LHFPL6: variants seen among roughly 807,000 people sequenced by gnomAD.
LHFPL6 encodes LHFPL tetraspan subfamily member 6.
A neutral mutation model predicts 20.6 loss-of-function variants in LHFPL6; 9 were observed. The observed-to-expected ratio is 0.44, with a 90% CI of 0.26 to 0.76. LHFPL6 has a LOEUF of 0.76. Among genes scored for constraint, LHFPL6 ranks in the 30% least tolerant of loss-of-function variants. The pLI, the probability that LHFPL6 is intolerant of heterozygous loss-of-function variation, is 0.20. For missense variants in LHFPL6, 218 were observed against 253.5 expected (o/e 0.86, Z 0.95); for synonymous variants, 105 against 98.7 (o/e 1.06, Z -0.38).
At chr13:39,572,244 T>A (rs758094248) in intron 2 of LHFPL6, among the ~76,000 whole-genome samples, 6 of 151,544 alleles carry the variant, frequency 4.0e-5, no homozygotes, top group African/African-American at 7.3e-5. Flanking sequence ...TCTAAAGAGT[T>A]AGTCATTTAT....
At chr13:39,376,954 T>G (rs77302104) in intron 3 of LHFPL6, among the ~76,000 whole-genome samples, 1,707 of 152,258 alleles carry the variant, frequency 0.011, 40 homozygotes, top group African/African-American at 0.039. Flanking sequence ...CCCCTGCTGC[T>G]CTTCTCTCCT....
Position 39,344,053 on chromosome 13 carries a change from C to CCAG in LHFPL6, c.485_486insCTG (p.Gly162_Lys163insTrp). Reference sequence around the variant, plus strand: ...AGTAGGCCCAGCCGATTTCACACTTCCCTAAGGACAAAGGAAGGGGAAAGA... The same window carrying CCAG: ...AGTAGGCCCAGCCGATTTCACACTTCCAGCCTAAGGACAAAGGAAGGGGAAAGA... On this transcript the variant is annotated inframe_insertion and splice_region_variant, in exon 4 of 4. Transcript: ENST00000379589. The CCAG allele has an allele frequency of 6.2e-7, 1 of 1,605,584 alleles. No homozygotes were observed. Among genetic ancestry groups the CCAG allele is most frequent in the Non-Finnish European group, 8.5e-7 (1 of 1,173,520 alleles).
chr13:39,375,844 T>C (rs17059746), intron 3 of LHFPL6, among the ~76,000 whole-genome samples: 16,646 of 151,946 alleles, frequency 0.11, 998 homozygotes, highest in East Asian at 0.24. Flanking sequence ...AAAAAACTTA[T>C]GCAGTGGACC....
intron 2 of LHFPL6, among the ~76,000 whole-genome samples, chr13:39,383,262 C>T (rs561218219): frequency 6.6e-6 from 1 of 152,280 alleles, no homozygotes; most frequent in Admixed American, 6.5e-5. Context: ...AAATATGAGA[C>T]AGTTCAGGGA....
At chr13:39,387,957 G>C (rs570647768) in intron 2 of LHFPL6, among the ~76,000 whole-genome samples, 144 of 152,258 alleles carry the variant, frequency 9.5e-4, no homozygotes, top group African/African-American at 2.9e-3. Context: ...CCTTTCCTGG[G>C]GGCCGGTGAG....
At chr13:39,428,585 C>T (rs963559642) in intron 2 of LHFPL6, among the ~76,000 whole-genome samples, 1 of 152,046 alleles carries the variant, frequency 6.6e-6, no homozygotes, top group African/African-American at 2.4e-5. Flanking sequence ...ATCTTTTCTA[C>T]TCTTCTTTTT....
chr13:39,375,095 T>A (rs543534729), intron 3 of LHFPL6, among the ~76,000 whole-genome samples: 1 of 152,314 alleles, frequency 6.6e-6, no homozygotes, highest in East Asian at 1.9e-4. Flanking sequence ...AACATTAACA[T>A]TTCACAACCC....
chr13:39,412,626 A>G (rs905894637), intron 2 of LHFPL6, among the ~76,000 whole-genome samples: 2 of 152,208 alleles, frequency 1.3e-5, no homozygotes, highest in African/African-American at 4.8e-5. Context: ...TACTTCCCCA[A>G]ATTTATACAA....
intron 2 of LHFPL6, among the ~76,000 whole-genome samples, chr13:39,479,237 T>C (rs1868420248): frequency 1.3e-5 from 2 of 152,118 alleles, no homozygotes; most frequent in African/African-American, 4.8e-5. Flanking sequence ...ATAATGGTCA[T>C]GAACAGAGTA....
At chr13:39,396,682 A>T (rs1014193610) in intron 2 of LHFPL6, among the ~76,000 whole-genome samples, 1 of 152,162 alleles carries the variant, frequency 6.6e-6, no homozygotes, top group South Asian at 2.1e-4. Context: ...GGTCCCAGCT[A>T]CTTGGGAGGC....
chr13:39,362,204 C>T (rs769181409), intron 3 of LHFPL6, among the ~76,000 whole-genome samples: 23 of 152,182 alleles, frequency 1.5e-4, no homozygotes, highest in Non-Finnish European at 2.2e-4. Flanking sequence ...GGGTGGGCTT[C>T]GCCCTTGCTG....
intron 2 of LHFPL6, among the ~76,000 whole-genome samples, chr13:39,409,641 T>C (rs1455217711): frequency 6.6e-6 from 1 of 152,068 alleles, no homozygotes; most frequent in Non-Finnish European, 1.5e-5. Flanking sequence ...GTACACAAAT[T>C]TGACATGACA....
chr13:39,433,503 C>T (rs961312628), intron 2 of LHFPL6, among the ~76,000 whole-genome samples: 3 of 151,966 alleles, frequency 2.0e-5, no homozygotes, highest in African/African-American at 7.3e-5. Flanking sequence ...CAAAAAGCAC[C>T]GATTAAGCCA....
At chr13:39,526,044 A>C (rs1442280038) in intron 2 of LHFPL6, among the ~76,000 whole-genome samples, 6 of 152,188 alleles carry the variant, frequency 3.9e-5, no homozygotes, top group Non-Finnish European at 7.3e-5. Flanking sequence ...CCTTCCTCCT[A>C]CTAACATTGT....
chr13:39,487,910 T>A (rs1369591771), intron 2 of LHFPL6, among the ~76,000 whole-genome samples: 1 of 152,186 alleles, frequency 6.6e-6, no homozygotes, highest in Non-Finnish European at 1.5e-5. Flanking sequence ...CCGGGCATGG[T>A]GGTTCTCTAA....
chr13:39,430,403 T>G (rs956947159), intron 2 of LHFPL6, among the ~76,000 whole-genome samples: 18 of 152,332 alleles, frequency 1.2e-4, no homozygotes, highest in South Asian at 4.1e-4. Context: ...CTTCTGATCT[T>G]ATGGCAGCCC....
intron 2 of LHFPL6, among the ~76,000 whole-genome samples, chr13:39,387,070 C>A (rs897329326): frequency 1.6e-4 from 25 of 152,106 alleles, no homozygotes; most frequent in African/African-American, 5.6e-4. Flanking sequence ...CCATACATTG[C>A]AGTTATTTGT....
At chr13:39,375,966 T>C (rs766642954) in intron 3 of LHFPL6, among the ~76,000 whole-genome samples, 3 of 152,080 alleles carry the variant, frequency 2.0e-5, no homozygotes, top group Non-Finnish European at 4.4e-5. Flanking sequence ...GTTTTTTAAA[T>C]TGCCAGAATG....
intron 3 of LHFPL6, among the ~76,000 whole-genome samples, chr13:39,353,886 T>A (rs189410171): frequency 9.2e-5 from 14 of 152,300 alleles, no homozygotes; most frequent in African/African-American, 2.6e-4. Flanking sequence ...GCTGCACACA[T>A]GCATATAATG....
Sources: allele counts gnomAD v4.1 joint callset (sites outside exome capture counted in the v4.1 genomes callset), GRCh38; gene constraint gnomAD v4.1.1; transcripts MANE v1.5; gene names NCBI Gene and HGNC (gene_info 2026-07-23, HGNC 2026-07-21).